Variants in VPS8 observed in about 807,000 individuals in gnomAD.
VPS8 encodes vacuolar protein sorting-associated protein 8 homolog.
VPS8 carries 129 observed loss-of-function variants against 216.4 expected under a neutral mutation model. That is an observed-to-expected ratio of 0.60 (90% CI 0.52 to 0.69). VPS8 has a LOEUF of 0.69. Ranked by LOEUF, VPS8 falls within the 30% of genes least tolerant of loss-of-function variation. VPS8 has a pLI of 0.00. For synonymous variants in VPS8, 571 were observed against 565.4 expected (o/e 1.01, Z -0.14); for missense variants, 1,531 against 1,683.5 (o/e 0.91, Z 1.59).
intron 28 of VPS8, among the ~76,000 whole-genome samples, chr3:184,917,697 C>T (rs1292955086): frequency 4.6e-5 from 7 of 152,240 alleles, no homozygotes; most frequent in Non-Finnish European, 2.9e-5. Flanking sequence ...TAAGCCACCA[C>T]ACCTGGCCAA....
chr3:184,829,651 A>G (rs1018812962), intron 3 of VPS8, among the ~76,000 whole-genome samples: 2 of 152,224 alleles, frequency 1.3e-5, no homozygotes, highest in African/African-American at 4.8e-5. Context: ...GCAACAGTAT[A>G]TGAGATTTCT....
At chr3:185,046,562 G>A (rs1248073558) in intron 46 of VPS8, among the ~76,000 whole-genome samples, 1 of 152,150 alleles carries the variant, frequency 6.6e-6, no homozygotes, top group African/African-American at 2.4e-5. Flanking sequence ...CTGGTAACAG[G>A]ATTGGAGCCC....
chr3:185,022,297 C>G (rs964670582), intron 45 of VPS8, among the ~76,000 whole-genome samples: 8 of 152,154 alleles, frequency 5.3e-5, no homozygotes. Context: ...ATAAATTGCC[C>G]AGTCACAGGA....
intron 1 of VPS8, among the ~76,000 whole-genome samples, chr3:184,820,518 A>G (rs534881106): frequency 1.3e-5 from 2 of 152,282 alleles, no homozygotes; most frequent in South Asian, 2.1e-4. Context: ...TAACATATTC[A>G]TGGTTTCTGG....
At chr3:184,868,294 T>C (rs1246856269) in intron 18 of VPS8, 5 of 464,724 alleles carry the variant, frequency 1.1e-5, no homozygotes, top group Admixed American at 7.3e-5. Flanking sequence ...ATAAGATTTC[T>C]CTGTCATGTA....
At chr3:184,853,487 C>T (rs2108673450) in intron 11 of VPS8, among the ~76,000 whole-genome samples, 1 of 152,238 alleles carries the variant, frequency 6.6e-6, no homozygotes, top group East Asian at 1.9e-4. Flanking sequence ...GACACAAAGA[C>T]TTTGAGGTGG....
intron 22 of VPS8, chr3:184,893,430 A>G (rs1732749009): frequency 1.0e-6 from 1 of 957,956 alleles, no homozygotes; most frequent in South Asian, 2.7e-5. Context: ...AAATTCACAC[A>G]GTTTTTGTAT....
chr3:185,045,417 G>C (rs894642023), intron 46 of VPS8, among the ~76,000 whole-genome samples: 38 of 152,246 alleles, frequency 2.5e-4, no homozygotes, highest in African/African-American at 8.4e-4. Flanking sequence ...TTGAGAACTT[G>C]CCCTGTAGGG....
In VPS8 at chr3:184,870,591, C is replaced by A. The variant is rs139206947; in HGVS notation, c.1645-125C>A. ...GTTTTAAAAAGTTGGTAAATAAAGC[C>A]ACTAAAATTTTCAGTTAAATTTTAA... On this transcript the variant is annotated intron_variant, in intron 20 of 47. Coordinates refer to ENST00000625842, the MANE Select transcript of VPS8 (RefSeq NM_001009921.3). The A allele has an allele frequency of 1.3e-3, 960 of 732,710 alleles. 10 individuals are homozygous for A. In the African/African-American group the frequency reaches 0.015, roughly 12 times the overall value. The allele number at this position is 732,710 out of a possible 1,614,324, so 45.4% of individuals were successfully genotyped here. A position where few individuals can be genotyped will look rare whatever the true frequency, so the allele number is the denominator to read the frequency against.
intron 25 of VPS8, among the ~76,000 whole-genome samples, chr3:184,902,005 T>C (rs558282025): frequency 1.3e-5 from 2 of 152,174 alleles, no homozygotes; most frequent in Non-Finnish European, 2.9e-5. Flanking sequence ...TGGTATTTCA[T>C]TGTGATTTTA....
intron 46 of VPS8, among the ~76,000 whole-genome samples, chr3:185,029,695 G>A (rs1255517907): frequency 1.3e-4 from 19 of 151,858 alleles, no homozygotes. Context: ...CTCCCAAGTA[G>A]CTGGGACAAG....
At chr3:184,862,332 T>C (rs974438173) in intron 15 of VPS8, among the ~76,000 whole-genome samples, 2 of 152,212 alleles carry the variant, frequency 1.3e-5, no homozygotes, top group Admixed American at 6.5e-5. Context: ...AAGTTATTAT[T>C]GTTAATACTT....
At chr3:184,911,122 T>G (rs951833034) in intron 25 of VPS8, among the ~76,000 whole-genome samples, 2 of 152,210 alleles carry the variant, frequency 1.3e-5, no homozygotes, top group Non-Finnish European at 2.9e-5. Flanking sequence ...AATGAAAAGT[T>G]GTCTAAAAGA....
At chr3:184,813,376 GA>G (rs1218973474) in intron 1 of VPS8, among the ~76,000 whole-genome samples, 1 of 152,186 alleles carries the variant, frequency 6.6e-6, no homozygotes, top group Non-Finnish European at 1.5e-5. Flanking sequence ...GCATTTGGGA[GA>G]CAATTACATG....
intron 45 of VPS8, among the ~76,000 whole-genome samples, chr3:185,009,043 T>C (rs1754632847): frequency 6.6e-6 from 1 of 152,178 alleles, no homozygotes; most frequent in African/African-American, 2.4e-5. Flanking sequence ...AGAAAATGGA[T>C]AGCCAGATCT....
At chr3:185,002,897 C>T (rs1753604365) in intron 45 of VPS8, among the ~76,000 whole-genome samples, 1 of 152,144 alleles carries the variant, frequency 6.6e-6, no homozygotes, top group Non-Finnish European at 1.5e-5. Flanking sequence ...GCAAATTGTG[C>T]TGCTATAAAC....
Position 184,894,907 on chromosome 3 carries a change from C to G in VPS8, c.1986C>G (p.Thr662=). 1 of 1,605,416 alleles carries G rather than the reference C, an allele frequency of 6.2e-7. No individual in the cohort carries two copies. The highest frequency in any genetic ancestry group is 8.5e-7 in the Non-Finnish European group (1 of 1,176,272). ...VEALIVHMDI[T]SLDIQQVVLM... ...CGCTCATTGTACATATGGATATCACCAGCCTAGATATTCAGCAGGTGAGTT... is the reference window on the plus strand; with the variant it reads ...CGCTCATTGTACATATGGATATCACGAGCCTAGATATTCAGCAGGTGAGTT... Residue 662 remains threonine (T), a synonymous_variant, in exon 23 of 48, where the codon ACC becomes ACG. Coordinates refer to ENST00000625842, the MANE Select transcript of VPS8 (RefSeq NM_001009921.3).
intron 38 of VPS8, among the ~76,000 whole-genome samples, chr3:184,965,254 A>G (rs943034574): frequency 6.6e-5 from 10 of 152,216 alleles, no homozygotes; most frequent in Admixed American, 2.0e-4. Context: ...CTTTCTAGCC[A>G]TATGATTCTA....
chr3:184,956,018 G>T (rs1217315606), intron 36 of VPS8, among the ~76,000 whole-genome samples: 1 of 151,682 alleles, frequency 6.6e-6, no homozygotes, highest in Non-Finnish European at 1.5e-5. Flanking sequence ...AATTTGAGGA[G>T]ATACTGAATT....
Sources: gnomAD v4.1 joint callset for allele counts (sites outside exome capture counted in the v4.1 genomes callset) on GRCh38, gnomAD v4.1.1 for gene constraint, MANE v1.5 for transcripts, NCBI Gene and HGNC (gene_info 2026-07-23, HGNC 2026-07-21) for gene names.